SETD5: variants seen among roughly 807,000 people sequenced by gnomAD.
SETD5 encodes histone-lysine N-methyltransferase SETD5.
A neutral mutation model predicts 153.3 loss-of-function variants in SETD5; 44 were observed. The observed-to-expected ratio is 0.29, with a 90% CI of 0.23 to 0.37. The LOEUF (loss-of-function observed/expected upper bound fraction) is 0.37. SETD5 is among the 10% of genes least tolerant of loss of function. SETD5 has a pLI of 1.00. For synonymous variants in SETD5, 716 were observed against 645.2 expected, an observed-to-expected ratio of 1.11 and a Z score of -1.66; for missense variants, 1,544 against 1,768.0, an observed-to-expected ratio of 0.87 and a Z score of 2.27.
chr3:9,466,367 C>T (rs1042327861), intron 18 of SETD5, among the ~76,000 whole-genome samples: 1 of 150,962 alleles, frequency 6.6e-6, no homozygotes, highest in Non-Finnish European at 1.5e-5. Context: ...CAGTGTGTTC[C>T]TTATCCCTTG....
intron 7 of SETD5, among the ~76,000 whole-genome samples, chr3:9,440,219 T>G (rs1044160037): frequency 6.6e-6 from 1 of 152,194 alleles, no homozygotes; most frequent in South Asian, 2.1e-4. Flanking sequence ...ATTTCTTACT[T>G]TATAAATGGA....
chr3:9,416,703 C>T (rs1004778469), intron 1 of SETD5, among the ~76,000 whole-genome samples: 10 of 152,104 alleles, frequency 6.6e-5, no homozygotes, highest in Admixed American at 1.3e-4. Context: ...TTATGATAAA[C>T]ATGCCCCTCT....
At chr3:9,401,119 C>G (rs1295539852) in intron 1 of SETD5, among the ~76,000 whole-genome samples, 1 of 152,236 alleles carries the variant, frequency 6.6e-6, no homozygotes, top group Non-Finnish European at 1.5e-5. Context: ...TTTTGTCATT[C>G]ACAAATGTGG....
At chr3:9,463,114 G>C (rs1203654337) in intron 17 of SETD5, among the ~76,000 whole-genome samples, 2 of 152,116 alleles carry the variant, frequency 1.3e-5, no homozygotes, top group Non-Finnish European at 2.9e-5. Context: ...CTGCCTCCTG[G>C]GTTCAAGTGA....
At chr3:9,474,795 A>G (rs999622759) in intron 21 of SETD5, 1 of 667,010 alleles carries the variant, frequency 1.5e-6, no homozygotes, top group African/African-American at 1.8e-5. Context: ...TTCCCCAAGG[A>G]ATACCTTTCT....
At chr3:9,456,336 C>T (rs111458393) in intron 17 of SETD5, among the ~76,000 whole-genome samples, 98 of 151,964 alleles carry the variant, frequency 6.4e-4, no homozygotes, top group African/African-American at 2.3e-3. Flanking sequence ...ATTAGCTGGG[C>T]CTGGTCACGT....
At chr3:9,407,066 A>G (rs576669564) in intron 1 of SETD5, among the ~76,000 whole-genome samples, 74 of 152,350 alleles carry the variant, frequency 4.9e-4, no homozygotes, top group African/African-American at 1.7e-3. Flanking sequence ...GGCGGCTCAC[A>G]CTTGTAATCC....
At position 9,464,593 on chromosome 3, in the gene SETD5, G is replaced by A. The variant is rs200142019; in HGVS notation, c.2645G>A (p.Arg882Gln). The change falls in exon 18 of 23, where the codon CGA becomes CAA. Residue 882 changes from arginine to glutamine, a missense_variant. Arg to Gln is a conservative substitution (Grantham distance 43). Transcript: ENST00000402198. The part of the protein sequence containing the change: ...GSSHPGEEEC[R>Q]NGYSLMFSPV... ...TCTCACCCAGGAGAAGAGGAGTGTC[G>A]AAATGGATACAGCCTCATGTTTTCA... is the stretch of plus-strand genomic sequence containing the variant. The A allele has an allele frequency of 2.4e-4, 393 of 1,613,822 alleles. No individual in the cohort carries two copies. Among genetic ancestry groups the A allele is most frequent in the Non-Finnish European group, 3.1e-4 (370 of 1,179,886 alleles).
At chr3:9,455,554 C>A (rs2125383710) in intron 17 of SETD5, among the ~76,000 whole-genome samples, 1 of 152,162 alleles carries the variant, frequency 6.6e-6, no homozygotes, top group South Asian at 2.1e-4. Context: ...AAAATATTTT[C>A]TTCTAGTATT....
chr3:9,437,244 T>C (rs1281706565), intron 7 of SETD5, among the ~76,000 whole-genome samples: 1 of 152,184 alleles, frequency 6.6e-6, no homozygotes, highest in East Asian at 1.9e-4. Flanking sequence ...CTCTTGTGCA[T>C]CTACCCTAGC....
Position 9,476,189 on chromosome 3 carries a change from G to T in SETD5, c.*98G>T. 1 of 1,457,472 alleles carries T rather than the reference G, an allele frequency of 6.9e-7. No homozygotes were observed. Among genetic ancestry groups the T allele is most frequent in the South Asian group, 1.4e-5 (1 of 71,232 alleles). The allele number at this position is 1,457,472 out of a possible 1,614,324, so 90.3% of individuals were successfully genotyped here. A position where few individuals can be genotyped will look rare whatever the true frequency, so the allele number is the denominator to read the frequency against. On this transcript the variant is annotated 3_prime_UTR_variant, in exon 23 of 23. Coordinates refer to ENST00000402198, the MANE Select transcript of SETD5 (RefSeq NM_001080517.3). ...GCCGAGCATATTGCTGAGGAACGGG[G>T]GGTACAAGGTGCCAGAGGATTGGGT...
At chr3:9,453,668 T>A in intron 16 of SETD5, 71 bp from the exon 17 acceptor site, 1 of 1,412,338 alleles carries the variant, frequency 7.1e-7, no homozygotes, top group South Asian at 1.5e-5. Context: ...CCAGTTGATG[T>A]ACATTTAAAA....
At chr3:9,443,563 T>A (rs1051170667) in intron 11 of SETD5, 146 bp downstream of exon 11, 1 of 483,600 alleles carries the variant, frequency 2.1e-6, no homozygotes, top group Non-Finnish European at 3.3e-6. Context: ...GCCTAGAAAT[T>A]GTAAAGGAAA....
chr3:9,402,959 C>T (rs1049727012), intron 1 of SETD5, among the ~76,000 whole-genome samples: 9 of 152,154 alleles, frequency 5.9e-5, no homozygotes, highest in African/African-American at 2.2e-4. Flanking sequence ...GTCAGACTGA[C>T]TCCCTTATTA....
At chr3:9,398,318 CT>C (rs2034064258) in intron 1 of SETD5, 3 of 152,106 alleles carry the variant, frequency 2.0e-5, no homozygotes, top group Admixed American at 2.0e-4. Context: ...GAGGAGAGGC[CT>C]CTTGCTGCCC....
chr3:9,464,323 AAACAG>A, intron 17 of SETD5, 97 bp from the exon 18 acceptor site: 1 of 1,484,160 alleles, frequency 6.7e-7, no homozygotes, highest in Non-Finnish European at 9.1e-7. Flanking sequence ...ATGAGGCAGA[AAACAG>A]TTAAGAGCCA....
At chr3:9,458,987 A>T (rs1187755669) in intron 17 of SETD5, among the ~76,000 whole-genome samples, 2 of 152,168 alleles carry the variant, frequency 1.3e-5, no homozygotes, top group Non-Finnish European at 1.5e-5. Context: ...TTTGCCACTG[A>T]GAAATAAGTT....
At chr3:9,423,952 A>G (rs2038789903) in intron 1 of SETD5, among the ~76,000 whole-genome samples, 1 of 151,936 alleles carries the variant, frequency 6.6e-6, no homozygotes, top group Non-Finnish European at 1.5e-5. Context: ...CCTTTTTATC[A>G]CTCTTTTTTA....
At chr3:9,454,267 G>C (rs1418014218) in intron 17 of SETD5, among the ~76,000 whole-genome samples, 1 of 152,150 alleles carries the variant, frequency 6.6e-6, no homozygotes, top group Non-Finnish European at 1.5e-5. Flanking sequence ...AATGAAATAA[G>C]TGAAAAATTA....
Sources: allele counts gnomAD v4.1 joint callset (sites outside exome capture counted in the v4.1 genomes callset), GRCh38; gene constraint gnomAD v4.1.1; transcripts MANE v1.5; gene names NCBI Gene and HGNC (gene_info 2026-07-23, HGNC 2026-07-21).